Variants in ARB2A observed in about 807,000 individuals in gnomAD.
ARB2A encodes cotranscriptional regulator ARB2A.
the ARB2A span, among the ~76,000 whole-genome samples, chr5:93,972,459 T>C: frequency 2.7e-5 from 4 of 149,544 alleles, no homozygotes; most frequent in Non-Finnish European, 5.9e-5. Flanking sequence ...ATCCAAATGA[T>C]AGCAAACTAA....
chr5:93,764,489 A>T, the ARB2A span, among the ~76,000 whole-genome samples: 1 of 152,334 alleles, frequency 6.6e-6, no homozygotes, highest in African/African-American at 2.4e-5. Context: ...CCCTCCCAAG[A>T]ATAAACCAGG....
the ARB2A span, among the ~76,000 whole-genome samples, chr5:93,630,737 G>A: frequency 6.6e-6 from 1 of 152,022 alleles, no homozygotes; most frequent in Non-Finnish European, 1.5e-5. Context: ...AGGAGTTGGA[G>A]GCCAGGCTGG....
chr5:93,976,902 G>A, the ARB2A span, among the ~76,000 whole-genome samples: 24 of 151,914 alleles, frequency 1.6e-4, no homozygotes, highest in Non-Finnish European at 2.8e-4. Context: ...AATGACTTCA[G>A]CGAACTCTCA....
the ARB2A span, among the ~76,000 whole-genome samples, chr5:93,761,635 G>T: frequency 6.6e-6 from 1 of 152,204 alleles, no homozygotes; most frequent in Admixed American, 6.5e-5. Context: ...TGGGGGCAGG[G>T]CATTGCAAAA....
At chr5:94,093,888 C>CTAT in the ARB2A span, among the ~76,000 whole-genome samples, 1 of 152,046 alleles carries the variant, frequency 6.6e-6, no homozygotes, top group South Asian at 2.1e-4. Context: ...GACAGGCAAA[C>CTAT]AATAGACATT....
chr5:93,771,683 C>T, the ARB2A span, among the ~76,000 whole-genome samples: 97 of 152,276 alleles, frequency 6.4e-4, 1 homozygote, highest in Middle Eastern at 6.8e-3. Context: ...GACATTTATG[C>T]AGCCAAAAAA....
At chr5:93,758,475 T>C in the ARB2A span, among the ~76,000 whole-genome samples, 1 of 152,098 alleles carries the variant, frequency 6.6e-6, no homozygotes, top group Non-Finnish European at 1.5e-5. Context: ...GAACTTTCTC[T>C]AAGATAGACC....
At chr5:93,768,210 G>A in the ARB2A span, among the ~76,000 whole-genome samples, 1 of 151,418 alleles carries the variant, frequency 6.6e-6, no homozygotes, top group Admixed American at 6.6e-5. Context: ...AAGAGTGGGA[G>A]TGGTGCAAGG....
At chr5:93,963,869 T>C in the ARB2A span, among the ~76,000 whole-genome samples, 1 of 151,988 alleles carries the variant, frequency 6.6e-6, no homozygotes, top group Non-Finnish European at 1.5e-5. Context: ...GTGTTTTTTG[T>C]TTCGTTTTGT....
chr5:93,852,467 C>A, the ARB2A span, among the ~76,000 whole-genome samples: 10 of 152,152 alleles, frequency 6.6e-5, no homozygotes, highest in African/African-American at 2.4e-4. Context: ...CACTAGATCC[C>A]ATTTGTTAAT....
At chr5:93,797,237 G>A in the ARB2A span, among the ~76,000 whole-genome samples, 1 of 152,156 alleles carries the variant, frequency 6.6e-6, no homozygotes, top group Non-Finnish European at 1.5e-5. Flanking sequence ...ATGTGTGAGT[G>A]AAGGTGAATT....
chr5:93,935,651 T>C, the ARB2A span, among the ~76,000 whole-genome samples: 24 of 152,212 alleles, frequency 1.6e-4, no homozygotes, highest in Non-Finnish European at 2.8e-4. Flanking sequence ...TCAATGCATA[T>C]GTTCTACTGT....
the ARB2A span, chr5:94,074,521 T>C: frequency 3.0e-6 from 2 of 660,606 alleles, no homozygotes; most frequent in Non-Finnish European, 2.5e-6. Flanking sequence ...ATATAAATAA[T>C]TGCAAATACT....
At chr5:93,937,163 G>A in the ARB2A span, among the ~76,000 whole-genome samples, 3 of 151,306 alleles carry the variant, frequency 2.0e-5, no homozygotes, top group South Asian at 2.1e-4. Flanking sequence ...GTGAGCCACC[G>A]CGCCCGGCCA....
the ARB2A span, among the ~76,000 whole-genome samples, chr5:93,700,019 A>C: frequency 6.6e-6 from 1 of 152,112 alleles, no homozygotes; most frequent in East Asian, 1.9e-4. Context: ...GACAATAATA[A>C]GTAACACAAA....
the ARB2A span, chr5:93,741,027 C>G: frequency 6.2e-7 from 1 of 1,613,860 alleles, no homozygotes; most frequent in East Asian, 2.2e-5. Context: ...GTGGTCGCAG[C>G]TTCCACATGT....
the ARB2A span, among the ~76,000 whole-genome samples, chr5:93,912,576 T>C: frequency 6.6e-6 from 1 of 151,726 alleles, no homozygotes; most frequent in Non-Finnish European, 1.5e-5. Context: ...AAATCACACA[T>C]TAAAATTATG....
chr5:93,705,175 A>G, the ARB2A span, among the ~76,000 whole-genome samples: 6 of 152,246 alleles, frequency 3.9e-5, no homozygotes, highest in African/African-American at 9.6e-5. Context: ...TGCATGCAAC[A>G]TAAGTTAAAT....
the ARB2A span, among the ~76,000 whole-genome samples, chr5:93,865,092 C>CT: frequency 7.9e-5 from 12 of 151,526 alleles, no homozygotes; most frequent in East Asian, 1.5e-3. Flanking sequence ...TGGCTAATTT[C>CT]TTTTTTTTTG....
Sources: gnomAD v4.1 joint callset for allele counts (sites outside exome capture counted in the v4.1 genomes callset) on GRCh38, gnomAD v4.1.1 for gene constraint, MANE v1.5 for transcripts, NCBI Gene and HGNC (gene_info 2026-07-23, HGNC 2026-07-21) for gene names.